Variants in ZNF287 observed in about 807,000 individuals in gnomAD.
ZNF287 encodes zinc finger protein with KRAB and SCAN domains 13.
A neutral mutation model predicts 73.7 loss-of-function variants in ZNF287; 31 were observed. The ratio of observed to expected loss-of-function variants is 0.42; its 90% CI spans 0.32 to 0.57. The LOEUF (loss-of-function observed/expected upper bound fraction) is 0.57. Ranked by LOEUF, ZNF287 falls within the 20% of genes least tolerant of loss-of-function variation. The pLI, the probability that ZNF287 is intolerant of heterozygous loss-of-function variation, is 0.13. For missense variants in ZNF287, 641 were observed against 909.3 expected (o/e 0.70, Z 3.79); for synonymous variants, 301 against 307.2 (o/e 0.98, Z 0.21).
chr17:16,561,618 G>A (rs1039878350), intron 5 of ZNF287, among the ~76,000 whole-genome samples: 1 of 152,074 alleles, frequency 6.6e-6, no homozygotes. Flanking sequence ...TTGGCAAAAT[G>A]TTTAAACTGA....
At chr17:16,554,182 CTTAAT>C (rs966253754) in intron 5 of ZNF287, among the ~76,000 whole-genome samples, 8 of 151,428 alleles carry the variant, frequency 5.3e-5, no homozygotes, top group African/African-American at 1.9e-4. Context: ...TCATGTTCAG[CTTAAT>C]TTAGTTATCC....
In ZNF287 at chr17:16,559,941, C is replaced by CAT. The variant is rs141118395; in HGVS notation, c.715+3203_715+3204dup. 5.7e-3 allele frequency among the ~76,000 whole-genome samples: 852 copies of CAT among 150,340 alleles called. 7 individuals carry two copies. The highest frequency in any genetic ancestry group is 0.017 in the South Asian group (83 of 4,744). On this transcript the variant is annotated intron_variant, in intron 5 of 5. Coordinates refer to ENST00000395825, the MANE Select transcript of ZNF287 (RefSeq NM_020653.4). ...GACTGATAATAAATACATACACATC[C>CAT]ATATATATATATATATTTTTCTTTT...
rs1225563333 is a variant in ZNF287 at position 16,563,690 on chromosome 17, G to T, written c.628+9C>A. 2.5e-6 allele frequency: 4 copies of T among 1,610,790 alleles called. No individual in the cohort carries two copies. In the South Asian group the frequency reaches 4.4e-5, roughly 18 times the overall value. On this transcript the variant is annotated intron_variant, in intron 4 of 5. Transcript: ENST00000395825. ...GGCTCGGAGGAGGAGGGATGCAGATGATCCTTACCCAGAGAAACCATGTTC... is the reference window on the plus strand; with the variant it reads ...GGCTCGGAGGAGGAGGGATGCAGATTATCCTTACCCAGAGAAACCATGTTC...
chr17:16,564,430 T>A (rs1413037931), intron 3 of ZNF287, among the ~76,000 whole-genome samples: 1 of 152,108 alleles, frequency 6.6e-6, no homozygotes, highest in Non-Finnish European at 1.5e-5. Context: ...CTCAAACTCC[T>A]GAACTCAAGC....
rs1358976265 is a variant in ZNF287 at position 16,548,271 on chromosome 17, G to A, written c.*3585C>T. Among the ~76,000 whole-genome samples the A allele has an allele frequency of 6.6e-6, 1 of 152,120 alleles. No individual in the cohort carries two copies. Among genetic ancestry groups the A allele is most frequent in the Non-Finnish European group, 1.5e-5 (1 of 68,012 alleles). On this transcript the variant is annotated 3_prime_UTR_variant, in exon 6 of 6. Transcript: ENST00000395825. ...GGGAAGATCTGGTGACCTCAAATGA[G>A]TGATCCATTGATAATGAGTCAACCT... is the stretch of plus-strand genomic sequence containing the variant.
rs750859769 is a variant in ZNF287 at position 16,553,081 on chromosome 17, T to C, written c.1061A>G (p.Tyr354Cys). 2 of 1,614,196 alleles carry C rather than the reference T, an allele frequency of 1.2e-6. No individual in the cohort carries two copies. Among genetic ancestry groups the C allele is most frequent in the Non-Finnish European group, 1.7e-6 (2 of 1,180,022 alleles). Residue 354 changes from tyrosine to cysteine, a missense_variant, in exon 6 of 6, where the codon TAT becomes TGT. Tyr to Cys is a radical substitution (Grantham distance 194). This residue lies in a region of ZNF287 where 357 missense variants were observed against 442.4 expected (regional missense o/e 0.81). Coordinates refer to ENST00000395825, the MANE Select transcript of ZNF287 (RefSeq NM_020653.4). ...AAGTATTTTCCTATGTACAATACCATATGAGACATGATTGAAGGTTGCCCT... is the reference window on the plus strand; with the variant it reads ...AAGTATTTTCCTATGTACAATACCACATGAGACATGATTGAAGGTTGCCCT... ...EGRATFNHVS[Y>C]GIVHRKILPG...
chr17:16,568,075 A>C (rs543756027), intron 1 of ZNF287, 146 bp from the exon 2 acceptor site: 35 of 736,476 alleles, frequency 4.8e-5, no homozygotes, highest in Non-Finnish European at 5.6e-5. Flanking sequence ...TTAGACTTGT[A>C]AGGGAACTGC....
intron 5 of ZNF287, among the ~76,000 whole-genome samples, chr17:16,555,567 A>G (rs1420220511): frequency 6.6e-6 from 1 of 151,808 alleles, no homozygotes; most frequent in Non-Finnish European, 1.5e-5. Flanking sequence ...CTCAGATGAA[A>G]GCATACACAG....
Position 16,550,204 on chromosome 17 carries a change from T to C in ZNF287, c.*1652A>G, listed in dbSNP as rs1473808794. Among the ~76,000 whole-genome samples the C allele has an allele frequency of 6.6e-6, 1 of 152,210 alleles. No homozygotes were observed. The highest frequency in any genetic ancestry group is 2.4e-5 in the African/African-American group (1 of 41,466). ...TGTTTAATGATTACTGCATCAATGC[T>C]TTTTCCAATTAAATTTTTTCCTGAC... On this transcript the variant is annotated 3_prime_UTR_variant, in exon 6 of 6. Coordinates refer to ENST00000395825, the MANE Select transcript of ZNF287 (RefSeq NM_020653.4).
chr17:16,566,990 G>A (rs556748372), intron 2 of ZNF287, among the ~76,000 whole-genome samples: 7 of 152,246 alleles, frequency 4.6e-5, no homozygotes, highest in African/African-American at 1.7e-4. Flanking sequence ...TGATTTATTA[G>A]TAGAATGGTG....
Position 16,551,741 on chromosome 17 carries a change from T to C in ZNF287, c.*115A>G, listed in dbSNP as rs1337448326. The stretch of plus-strand genomic sequence containing the variant: ...ATACCACTACTTCTGATACTTCTGC[T>C]GAGTATCTAACATATTGCACTTCTT... On this transcript the variant is annotated 3_prime_UTR_variant, in exon 6 of 6. Transcript: ENST00000395825. 9.1e-7 allele frequency: 1 copy of C among 1,101,098 alleles called. No individual in the cohort carries two copies. The highest frequency in any genetic ancestry group is 1.6e-5 in the African/African-American group (1 of 63,728). The allele number at this position is 1,101,098 out of a possible 1,614,324, so 68.2% of individuals were successfully genotyped here. A position where few individuals can be genotyped will look rare whatever the true frequency, so the allele number is the denominator to read the frequency against.
At chr17:16,566,971 C>A (rs1907782977) in intron 2 of ZNF287, among the ~76,000 whole-genome samples, 1 of 152,144 alleles carries the variant, frequency 6.6e-6, no homozygotes, top group Admixed American at 6.5e-5. Flanking sequence ...ATTCAATTCA[C>A]AAAGCAAATG....
At position 16,567,712 on chromosome 17, in the gene ZNF287, C is replaced by G. The variant is rs1182349663; in HGVS notation, c.20G>C (p.Arg7Thr). The change falls in exon 2 of 6, where the codon AGG becomes ACG. Residue 7 changes from arginine to threonine, a missense_variant. Transcript: ENST00000395825. Reference sequence around the variant, plus strand: ...TTGAGAACGTGAAGAACTGTTCATCCTCTTGCTTGAGGCTAACATTGCTAC... The same window carrying G: ...TTGAGAACGTGAAGAACTGTTCATCGTCTTGCTTGAGGCTAACATTGCTAC... MLASSK[R>T]MNSSSRSQIL... The G allele has an allele frequency of 1.2e-6, 2 of 1,611,148 alleles. No homozygotes were observed. Among genetic ancestry groups the G allele is most frequent in the African/African-American group, 2.7e-5 (2 of 74,850 alleles).
Position 16,551,839 on chromosome 17 carries a change from GA to G in ZNF287, c.*16del. Reference sequence around the variant, plus strand: ...TGAAACAAAGTTGTAAAACCGAATTGAAGTTTCCCTTATCCATTAATTACGA... The same window carrying G: ...TGAAACAAAGTTGTAAAACCGAATTGAGTTTCCCTTATCCATTAATTACGA... On this transcript the variant is annotated 3_prime_UTR_variant, in exon 6 of 6. Coordinates refer to ENST00000395825, the MANE Select transcript of ZNF287 (RefSeq NM_020653.4). 1.3e-6 allele frequency: 2 copies of G among 1,551,274 alleles called. No homozygotes were observed. The highest frequency in any genetic ancestry group is 1.7e-6 in the Non-Finnish European group (2 of 1,150,934).
At chr17:16,557,655 T>G (rs7214389) in intron 5 of ZNF287, among the ~76,000 whole-genome samples, 6,803 of 152,096 alleles carry the variant, frequency 0.045, 529 homozygotes, top group African/African-American at 0.15. Flanking sequence ...ATAGTTGAAG[T>G]TGACTGCCTG....
At chr17:16,568,091 G>T in intron 1 of ZNF287, 162 bp from the exon 2 acceptor site, 1 of 590,760 alleles carries the variant, frequency 1.7e-6, no homozygotes, top group Non-Finnish European at 2.2e-6. Flanking sequence ...ACTGCCATCT[G>T]CTTGGGGTTG....
intron 5 of ZNF287, chr17:16,557,949 T>C (rs947146958): frequency 6.6e-6 from 1 of 152,198 alleles, no homozygotes; most frequent in African/African-American, 2.4e-5. Context: ...TACATTGCCC[T>C]TTCTTGAGTA....
chr17:16,563,646 C>G (rs1009772021), intron 4 of ZNF287, 53 bp downstream of exon 4: 1 of 1,570,754 alleles, frequency 6.4e-7, no homozygotes, highest in Admixed American at 1.8e-5. Flanking sequence ...TGAGGACCAA[C>G]CCATTTTTAA....
At chr17:16,568,088 T>C in intron 1 of ZNF287, 159 bp from the exon 2 acceptor site, 2 of 622,922 alleles carry the variant, frequency 3.2e-6, no homozygotes, top group Non-Finnish European at 4.1e-6. Flanking sequence ...GGAACTGCCA[T>C]CTGCTTGGGG....
Sources: gnomAD v4.1 joint callset for allele counts (sites outside exome capture counted in the v4.1 genomes callset) on GRCh38, gnomAD v4.1.1 for gene constraint, gnomAD v4.1.1 regional missense constraint, MANE v1.5 for transcripts, NCBI Gene and HGNC (gene_info 2026-07-23, HGNC 2026-07-21) for gene names.